Variants in LRRC63 observed in about 807,000 individuals in gnomAD.
LRRC63 encodes the protein leucine-rich repeat-containing protein 63.
Under a neutral mutation model 49.5 loss-of-function variants are expected in LRRC63, and 40 were observed. The ratio of observed to expected loss-of-function variants is 0.81; its 90% CI spans 0.63 to 1.05. The LOEUF (loss-of-function observed/expected upper bound fraction) is 1.05, where lower values mean the gene tolerates loss of function less well. Ranked by LOEUF, LRRC63 falls within the 50% of genes least tolerant of loss-of-function variation. The pLI is 0.00. For missense variants in LRRC63, 636 were observed against 663.1 expected (o/e 0.96, Z 0.45); for synonymous variants, 191 against 221.1 (o/e 0.86, Z 1.21).
chr13:46,275,378 T>G (rs1362767006), intron 9 of LRRC63, among the ~76,000 whole-genome samples: 1 of 152,162 alleles, frequency 6.6e-6, no homozygotes, highest in Non-Finnish European at 1.5e-5. Context: ...TTATTTTTAG[T>G]TTTTTGAGAA....
intron 1 of LRRC63, 24 bp from the exon 2 acceptor site, chr13:46,212,978 T>A: frequency 8.5e-7 from 1 of 1,174,270 alleles, no homozygotes; most frequent in Admixed American, 2.5e-5. Context: ...ATTCAAAACC[T>A]TTTCAATTCT....
intron 7 of LRRC63, 111 bp downstream of exon 7, chr13:46,250,602 T>A: frequency 1.1e-6 from 1 of 878,256 alleles, no homozygotes; most frequent in Non-Finnish European, 1.7e-6. Context: ...TAGTAATTTG[T>A]ATTCTATTCT....
intron 5 of LRRC63, among the ~76,000 whole-genome samples, chr13:46,240,756 T>C (rs1383046890): frequency 1.3e-5 from 2 of 152,036 alleles, no homozygotes; most frequent in Non-Finnish European, 2.9e-5. Flanking sequence ...AATAAGATCT[T>C]TAGGAATACA....
rs141622939 is a variant in LRRC63 at position 46,215,872 on chromosome 13, A to T, written c.85+2753A>T. Among the ~76,000 whole-genome samples the T allele has an allele frequency of 4.6e-5, 7 of 152,114 alleles. No individual in the cohort carries two copies. The East Asian group carries it at 1.2e-3, about 25-fold the overall frequency. ...TTCCGAGCACCATTTACTGAACAGG[A>T]GATCCTTTCCCCATTGCTTGTTTTT... is the stretch of plus-strand genomic sequence containing the variant. On this transcript the variant is annotated intron_variant, in intron 2 of 9. Transcript: ENST00000595396.
intron 2 of LRRC63, among the ~76,000 whole-genome samples, chr13:46,218,538 G>A (rs118135533): frequency 0.017 from 2,614 of 152,162 alleles, 40 homozygotes; most frequent in East Asian, 0.064. Context: ...ACATTGATGG[G>A]TTTTAACTCT....
chr13:46,226,020 G>A (rs900196031), intron 2 of LRRC63, among the ~76,000 whole-genome samples: 9 of 149,628 alleles, frequency 6.0e-5, no homozygotes, highest in South Asian at 2.1e-4. Flanking sequence ...GTCTCACTCC[G>A]TCACCCAAGT....
At chr13:46,232,059 C>T (rs1472771062) in intron 4 of LRRC63, among the ~76,000 whole-genome samples, 2 of 147,620 alleles carry the variant, frequency 1.4e-5, no homozygotes, top group Non-Finnish European at 3.0e-5. Context: ...TCGTGATCCG[C>T]CGGCCTCGGC....
chr13:46,251,207 T>C (rs912041888), intron 7 of LRRC63, among the ~76,000 whole-genome samples: 3 of 151,900 alleles, frequency 2.0e-5, no homozygotes, highest in African/African-American at 7.2e-5. Flanking sequence ...ATTAAGGAAG[T>C]GCATCCAAAT....
At chr13:46,237,890 T>C (rs1242352926) in intron 5 of LRRC63, among the ~76,000 whole-genome samples, 1 of 151,524 alleles carries the variant, frequency 6.6e-6, no homozygotes, top group Non-Finnish European at 1.5e-5. Context: ...CAAAACAGAC[T>C]CAAGAACAAA....
At chr13:46,228,065 A>G in exon 3 of LRRC63, 1 of 1,551,104 alleles carries the variant, frequency 6.4e-7, no homozygotes, top group Non-Finnish European at 8.7e-7. Flanking sequence ...TGAAACCAGA[A>G]GGACAGTGGC....
At chr13:46,267,222 T>C (rs1232997700) in intron 9 of LRRC63, among the ~76,000 whole-genome samples, 1 of 152,256 alleles carries the variant, frequency 6.6e-6, no homozygotes, top group East Asian at 1.9e-4. Flanking sequence ...GTTGTCTCTA[T>C]GGCTGTTGCA....
chr13:46,234,744 T>C (rs1382562353), intron 5 of LRRC63, among the ~76,000 whole-genome samples: 1 of 152,166 alleles, frequency 6.6e-6, no homozygotes, highest in Non-Finnish European at 1.5e-5. Flanking sequence ...ATGTGCCAAG[T>C]ACACATTACT....
intron 7 of LRRC63, among the ~76,000 whole-genome samples, chr13:46,257,580 A>C (rs1267397792): frequency 6.6e-6 from 1 of 152,202 alleles, no homozygotes; most frequent in East Asian, 1.9e-4. Flanking sequence ...AAGAACAAAC[A>C]GTAAAAGGGA....
In LRRC63 at chr13:46,275,129, C is replaced by T. The variant is rs546121650; in HGVS notation, c.1551-1461C>T. ...AACATAGTGTCCTCTAGGATCATCC[C>T]TGTTGCCACAAATGACAAGATTTTA... On this transcript the variant is annotated intron_variant, in intron 9 of 9. Transcript: ENST00000595396. Among the ~76,000 whole-genome samples, 4 of 152,296 alleles carry T rather than the reference C, an allele frequency of 2.6e-5. No individual in the cohort carries two copies. The South Asian group carries it at 8.3e-4, about 32-fold the overall frequency.
At chr13:46,270,785 A>G (rs150690565) in intron 9 of LRRC63, among the ~76,000 whole-genome samples, 9 of 152,254 alleles carry the variant, frequency 5.9e-5, no homozygotes, top group African/African-American at 1.9e-4. Context: ...TGGCTTGCAT[A>G]ATGAGCCTTG....
At chr13:46,222,543 T>A (rs531916598) in intron 2 of LRRC63, among the ~76,000 whole-genome samples, 1 of 152,240 alleles carries the variant, frequency 6.6e-6, no homozygotes, top group Admixed American at 6.5e-5. Flanking sequence ...ATGGCAATCA[T>A]TAAAAAGTCA....
chr13:46,267,476 G>A (rs573196227), intron 9 of LRRC63, among the ~76,000 whole-genome samples: 35 of 152,256 alleles, frequency 2.3e-4, no homozygotes, highest in African/African-American at 7.9e-4. Context: ...TAGGCTTGTC[G>A]CTTACTTTCT....
At chr13:46,250,460 G>A in exon 7 of LRRC63, 6 of 1,534,976 alleles carry the variant, frequency 3.9e-6, no homozygotes, top group Non-Finnish European at 2.6e-6. Flanking sequence ...TTTCACCATT[G>A]CTTTTAATTT....
chr13:46,240,423 G>A (rs552783219), intron 5 of LRRC63, among the ~76,000 whole-genome samples: 21 of 151,904 alleles, frequency 1.4e-4, no homozygotes, highest in African/African-American at 4.1e-4. Flanking sequence ...CACCGCGCCC[G>A]GCCAAGGATG....
Sources: gnomAD v4.1 joint callset for allele counts (sites outside exome capture counted in the v4.1 genomes callset) on GRCh38, gnomAD v4.1.1 for gene constraint, MANE v1.5 for transcripts, NCBI Gene and HGNC (gene_info 2026-07-23, HGNC 2026-07-21) for gene names.